CLNK: variants seen among roughly 807,000 people sequenced by gnomAD.
CLNK encodes the protein cytokine-dependent hematopoietic cell linker.
CLNK carries 74 observed loss-of-function variants against 68.6 expected under a neutral mutation model. The observed-to-expected ratio is 1.08, with a 90% CI of 0.89 to 1.31. The LOEUF is 1.31. Among genes scored for constraint, CLNK ranks in the 50% most tolerant of loss-of-function variants. The probability of loss-of-function intolerance (pLI) is 0.00; values close to 1 mark genes in which losing one functional copy is unlikely to be tolerated. For synonymous variants in CLNK, 198 were observed against 172.2 expected (o/e 1.15, Z -1.17); for missense variants, 553 against 515.3 (o/e 1.07, Z -0.71).
At chr4:10,707,347 G>T in the CLNK span, among the ~76,000 whole-genome samples, 1 of 152,202 alleles carries the variant, frequency 6.6e-6, no homozygotes, top group Non-Finnish European at 1.5e-5. Flanking sequence ...GGACAAGTTT[G>T]CTTTAGACAA....
At position 10,501,270 on chromosome 4, in the gene CLNK, G is replaced by T; in HGVS notation, c.1126C>A (p.Leu376Ile). The T allele has an allele frequency of 6.3e-7, 1 of 1,593,966 alleles. No individual in the cohort carries two copies. The highest frequency in any genetic ancestry group is 2.3e-5 in the East Asian group (1 of 44,096). Reference protein sequence around the residue: ...RNQQFALGTGLRGDEKFDSVE... With the variant: ...RNQQFALGTGIRGDEKFDSVE... ...GTTATACCCACCTCATCTCCTCTGA[G>T]TCCTGTCCCCAGGGCAAACTGCTGA... is the stretch of plus-strand genomic sequence containing the variant. Residue 376 changes from leucine to isoleucine, a missense_variant, in exon 18 of 19, where the codon CTC becomes ATC. Coordinates refer to ENST00000226951, the MANE Select transcript of CLNK (RefSeq NM_052964.4).
At position 10,654,384 on chromosome 4, in the gene CLNK, A is replaced by AATATATAT. The variant is rs71281268; in HGVS notation, c.11+13467_11+13474dup. 9.2e-3 allele frequency among the ~76,000 whole-genome samples: 776 copies of AATATATAT among 84,140 alleles called. 50 individuals are homozygous for AATATATAT. The highest frequency in any genetic ancestry group is 0.024 in the African/African-American group (712 of 29,562). 55.2% of individuals were successfully genotyped at this position (84,140 alleles called of 152,430 possible). ...TATATAGATAAATATATATTGATTA[A>AATATATAT]ATATATATATATATATATAGAAAGT... On this transcript the variant is annotated intron_variant, in intron 2 of 18. Coordinates refer to ENST00000226951, the MANE Select transcript of CLNK (RefSeq NM_052964.4).
At chr4:10,653,451 A>C (rs1723836326) in intron 2 of CLNK, among the ~76,000 whole-genome samples, 1 of 152,234 alleles carries the variant, frequency 6.6e-6, no homozygotes, top group South Asian at 2.1e-4. Context: ...ATTAAGTTAG[A>C]AATCAGTGAC....
intron 1 of CLNK, among the ~76,000 whole-genome samples, chr4:10,681,736 C>T (rs1725097291): frequency 6.6e-6 from 1 of 152,104 alleles, no homozygotes; most frequent in South Asian, 2.1e-4. Context: ...TGATCATGAA[C>T]CTGGGAACAT....
intron 2 of CLNK, among the ~76,000 whole-genome samples, chr4:10,652,743 C>T (rs185660019): frequency 5.0e-4 from 76 of 152,262 alleles, no homozygotes; most frequent in Non-Finnish European, 9.1e-4. Flanking sequence ...GTTTTTAATG[C>T]CTGGTCTTTT....
At chr4:10,586,258 T>C (rs558777304) in intron 3 of CLNK, among the ~76,000 whole-genome samples, 104 of 152,238 alleles carry the variant, frequency 6.8e-4, no homozygotes, top group Non-Finnish European at 1.3e-3. Context: ...AGGTTTTTGC[T>C]AGTCCTAACT....
At chr4:10,561,011 C>A (rs1451502171) in intron 7 of CLNK, among the ~76,000 whole-genome samples, 1 of 151,810 alleles carries the variant, frequency 6.6e-6, no homozygotes, top group Middle Eastern at 3.5e-3. Context: ...ATCCTCCCAC[C>A]TCAGCCCCCA....
intron 18 of CLNK, among the ~76,000 whole-genome samples, chr4:10,491,116 A>G (rs1241597976): frequency 6.6e-6 from 1 of 152,230 alleles, no homozygotes; most frequent in Non-Finnish European, 1.5e-5. Context: ...AGTGATAAGA[A>G]TGATAACAAG....
At chr4:10,494,896 T>C (rs939567797) in intron 18 of CLNK, among the ~76,000 whole-genome samples, 1 of 152,198 alleles carries the variant, frequency 6.6e-6, no homozygotes, top group Admixed American at 6.5e-5. Flanking sequence ...AATGTTATGC[T>C]ATTATTAGAT....
chr4:10,701,053 A>G, the CLNK span, among the ~76,000 whole-genome samples: 2 of 151,630 alleles, frequency 1.3e-5, no homozygotes, highest in Non-Finnish European at 2.9e-5. Context: ...TGCTTAGTCA[A>G]ATATCTCTAA....
At chr4:10,563,696 C>A (rs1719986492) in intron 7 of CLNK, among the ~76,000 whole-genome samples, 1 of 152,138 alleles carries the variant, frequency 6.6e-6, no homozygotes, top group Non-Finnish European at 1.5e-5. Context: ...ATCACGAGGT[C>A]AGGATTTTGA....
the CLNK span, among the ~76,000 whole-genome samples, chr4:10,695,708 G>T: frequency 6.6e-6 from 1 of 152,190 alleles, no homozygotes; most frequent in Non-Finnish European, 1.5e-5. Context: ...CAAGTACATG[G>T]TGCACCAGGC....
At chr4:10,633,585 T>C (rs1722970397) in intron 2 of CLNK, among the ~76,000 whole-genome samples, 1 of 152,204 alleles carries the variant, frequency 6.6e-6, no homozygotes, top group Non-Finnish European at 1.5e-5. Context: ...TCCAGGAACA[T>C]CTGAGCCTAG....
At position 10,558,388 on chromosome 4, in the gene CLNK, T is replaced by A. The variant is rs1403571612; in HGVS notation, c.445+19A>T. The A allele has an allele frequency of 6.2e-7, 1 of 1,611,428 alleles. No homozygotes were observed. The highest frequency in any genetic ancestry group is 1.1e-5 in the South Asian group (1 of 91,014). On this transcript the variant is annotated intron_variant, in intron 8 of 18. Coordinates refer to ENST00000226951, the MANE Select transcript of CLNK (RefSeq NM_052964.4). The stretch of plus-strand genomic sequence containing the variant: ...TGTTTTCATACTTACATTTTAAACT[T>A]CGATTAACATGACTTTACCTTTAAT...
At chr4:10,501,637 T>C (rs186373639) in intron 17 of CLNK, among the ~76,000 whole-genome samples, 51 of 152,242 alleles carry the variant, frequency 3.3e-4, no homozygotes, top group African/African-American at 9.9e-4. Context: ...TTGAAAGTCT[T>C]TCATTGAGGC....
rs560803354 is a variant in CLNK, at chr4:10,493,881, G to C, written c.1141-3268C>G. Among the ~76,000 whole-genome samples, 6 of 152,308 alleles carry C rather than the reference G, an allele frequency of 3.9e-5. No homozygotes were observed. The South Asian group carries it at 8.3e-4, about 21-fold the overall frequency. On this transcript the variant is annotated intron_variant, in intron 18 of 18. Transcript: ENST00000226951. ...CTCAGTTATTCTATGAACAGTGATG[G>C]TAACGATAGGACCTAACTTTGAGAT... is the stretch of plus-strand genomic sequence containing the variant.
chr4:10,594,381 GA>G (rs1417902367), intron 3 of CLNK, among the ~76,000 whole-genome samples: 2 of 152,212 alleles, frequency 1.3e-5, no homozygotes, highest in East Asian at 3.9e-4. Flanking sequence ...CCTCCACTTG[GA>G]AGCTTGCACT....
At chr4:10,498,631 A>G (rs1261726642) in intron 18 of CLNK, among the ~76,000 whole-genome samples, 6 of 152,214 alleles carry the variant, frequency 3.9e-5, no homozygotes, top group Non-Finnish European at 7.3e-5. Flanking sequence ...TAGGGCTACT[A>G]TATCCTACTT....
intron 4 of CLNK, among the ~76,000 whole-genome samples, chr4:10,578,643 G>C (rs952932843): frequency 1.5e-5 from 2 of 129,338 alleles, no homozygotes; most frequent in African/African-American, 2.9e-5. Context: ...CTGGAGTGCA[G>C]TGGCACAATC....
Sources: gnomAD v4.1 joint callset for allele counts (sites outside exome capture counted in the v4.1 genomes callset) on GRCh38, gnomAD v4.1.1 for gene constraint, MANE v1.5 for transcripts, NCBI Gene and HGNC (gene_info 2026-07-23, HGNC 2026-07-21) for gene names.